The following CCSER1 variants were observed in gnomAD, a reference collection of about 807,000 sequenced individuals.
CCSER1 encodes serine-rich coiled-coil domain-containing protein 1.
CCSER1 carries 41 observed loss-of-function variants against 82.0 expected under a neutral mutation model. The observed-to-expected ratio is 0.50, with a 90% CI of 0.39 to 0.65. The LOEUF is 0.65. CCSER1 is among the 30% of genes least tolerant of loss of function. CCSER1 has a pLI of 0.00. For synonymous variants in CCSER1, 414 were observed against 383.9 expected (o/e 1.08, Z -0.92); for missense variants, 1,119 against 1,064.2 (o/e 1.05, Z -0.72).
intron 10 of CCSER1, among the ~76,000 whole-genome samples, chr4:91,459,495 C>T (rs1756380795): frequency 6.6e-6 from 1 of 152,076 alleles, no homozygotes; most frequent in African/African-American, 2.4e-5. Context: ...CCAAGTAACA[C>T]AGGATAACAA....
At chr4:90,371,851 T>C (rs1049716061) in intron 3 of CCSER1, among the ~76,000 whole-genome samples, 2 of 152,224 alleles carry the variant, frequency 1.3e-5, no homozygotes, top group Non-Finnish European at 2.9e-5. Flanking sequence ...CAATCTATTA[T>C]AAACAAATGT....
intron 7 of CCSER1, among the ~76,000 whole-genome samples, chr4:90,796,166 A>G (rs961856669): frequency 3.9e-5 from 6 of 152,086 alleles, no homozygotes; most frequent in Non-Finnish European, 7.4e-5. Flanking sequence ...ATTCAATTTC[A>G]GAGCTTATTA....
intron 4 of CCSER1, among the ~76,000 whole-genome samples, chr4:90,448,473 ATATAT>A (rs962938843): frequency 8.2e-6 from 1 of 121,232 alleles, no homozygotes; most frequent in African/African-American, 3.6e-5. Flanking sequence ...ATATATATAT[ATATAT>A]ATATATAGCA....
At chr4:90,976,310 G>C (rs980412779) in intron 9 of CCSER1, among the ~76,000 whole-genome samples, 1 of 151,076 alleles carries the variant, frequency 6.6e-6, no homozygotes, top group Non-Finnish European at 1.5e-5. Context: ...AACTCATGAA[G>C]AAACAGGGAA....
At chr4:90,907,472 G>C (rs185347041) in intron 8 of CCSER1, among the ~76,000 whole-genome samples, 1 of 151,990 alleles carries the variant, frequency 6.6e-6, no homozygotes, top group Non-Finnish European at 1.5e-5. Flanking sequence ...TCAAAAAATC[G>C]TCATCCTTTG....
At chr4:91,561,812 A>C (rs1257104083) in intron 10 of CCSER1, among the ~76,000 whole-genome samples, 1 of 151,484 alleles carries the variant, frequency 6.6e-6, no homozygotes, top group Non-Finnish European at 1.5e-5. Context: ...GCTGTCACAT[A>C]TCTACTCCTA....
chr4:90,188,137 T>A (rs1734953277), intron 1 of CCSER1, among the ~76,000 whole-genome samples: 2 of 151,902 alleles, frequency 1.3e-5, no homozygotes, highest in Admixed American at 6.6e-5. Flanking sequence ...TTCTTCCCAC[T>A]TTCCACTCTT....
chr4:90,354,746 C>A (rs1346330523), intron 3 of CCSER1, among the ~76,000 whole-genome samples: 1 of 152,066 alleles, frequency 6.6e-6, no homozygotes. Context: ...ACTACAAGAA[C>A]CAACTAGCAT....
At chr4:90,433,343 GT>G (rs1274590685) in intron 4 of CCSER1, among the ~76,000 whole-genome samples, 1 of 152,000 alleles carries the variant, frequency 6.6e-6, no homozygotes, top group African/African-American at 2.4e-5. Context: ...ACAGGCTCTT[GT>G]AATAGGGATA....
intron 9 of CCSER1, among the ~76,000 whole-genome samples, chr4:91,008,678 G>C (rs371383743): frequency 7.9e-5 from 12 of 152,124 alleles, no homozygotes; most frequent in African/African-American, 2.9e-4. Flanking sequence ...TCTTTGATTG[G>C]AGAATTTAAT....
intron 10 of CCSER1, among the ~76,000 whole-genome samples, chr4:91,173,161 A>T (rs1158952365): frequency 2.0e-5 from 3 of 152,228 alleles, no homozygotes; most frequent in Admixed American, 6.5e-5. Context: ...CTAAGTAATT[A>T]TATGTGAGGT....
chr4:90,313,170 T>C, intron 3 of CCSER1, 123 bp downstream of exon 3: 1 of 848,932 alleles, frequency 1.2e-6, no homozygotes, highest in East Asian at 2.7e-5. Flanking sequence ...GGAAAATTTG[T>C]TTCCATAGTT....
intron 10 of CCSER1, among the ~76,000 whole-genome samples, chr4:91,433,180 G>C (rs1190807105): frequency 6.6e-6 from 1 of 152,072 alleles, no homozygotes; most frequent in Non-Finnish European, 1.5e-5. Flanking sequence ...ATTAAGCTCC[G>C]TGAGATTTAG....
chr4:90,788,127 G>A (rs1754765915), intron 7 of CCSER1, among the ~76,000 whole-genome samples: 1 of 152,126 alleles, frequency 6.6e-6, no homozygotes. Flanking sequence ...TTAGAAATAA[G>A]AATAAGCACT....
intron 9 of CCSER1, among the ~76,000 whole-genome samples, chr4:90,965,554 T>C (rs1279321467): frequency 6.6e-6 from 1 of 152,124 alleles, no homozygotes; most frequent in African/African-American, 2.4e-5. Flanking sequence ...ATAATCTTTG[T>C]TTAATTGTAA....
chr4:90,303,327 G>A (rs1049385089), intron 1 of CCSER1, among the ~76,000 whole-genome samples: 2 of 152,100 alleles, frequency 1.3e-5, no homozygotes, highest in Non-Finnish European at 2.9e-5. Flanking sequence ...AACCAAAAAA[G>A]AGCCTGCATC....
At chr4:90,698,587 A>G (rs1159474993) in intron 6 of CCSER1, among the ~76,000 whole-genome samples, 2 of 152,184 alleles carry the variant, frequency 1.3e-5, no homozygotes, top group Non-Finnish European at 2.9e-5. Context: ...GTCAATTTCT[A>G]TGATATAAAT....
At position 90,594,146 on chromosome 4, in the gene CCSER1, GA is replaced by G. The variant is rs966855736; in HGVS notation, c.1725-33869del. Among the ~76,000 whole-genome samples the G allele has an allele frequency of 5.4e-4, 78 of 145,506 alleles. 1 individual carries two copies. The East Asian group carries it at 0.011, about 20-fold the overall frequency. On this transcript the variant is annotated intron_variant, in intron 5 of 10. Transcript: ENST00000509176. Reference sequence around the variant, plus strand: ...AGGATTCTTTTTTTCCCCAGAAAAGGAAAAAAAAAACAAGCTCAAACCAACT... The same window carrying G: ...AGGATTCTTTTTTTCCCCAGAAAAGGAAAAAAAAACAAGCTCAAACCAACT...
chr4:90,675,526 G>C (rs1441428933), intron 6 of CCSER1, among the ~76,000 whole-genome samples: 1 of 151,856 alleles, frequency 6.6e-6, no homozygotes, highest in Middle Eastern at 3.4e-3. Context: ...TAATGTTAGT[G>C]TATATCTTAT....
Sources: gnomAD v4.1 joint callset for allele counts (sites outside exome capture counted in the v4.1 genomes callset) on GRCh38, gnomAD v4.1.1 for gene constraint, MANE v1.5 for transcripts, NCBI Gene and HGNC (gene_info 2026-07-23, HGNC 2026-07-21) for gene names.